Variants in SLC26A11 observed in about 807,000 individuals in gnomAD.
The protein encoded by SLC26A11 is solute carrier family 26 member 11, also known as sodium-independent sulfate anion transporter.
In SLC26A11, 58 loss-of-function variants were observed where a neutral mutation model predicts 62.2. The observed-to-expected ratio is 0.93, with a 90% CI of 0.76 to 1.16. The LOEUF (loss-of-function observed/expected upper bound fraction) is 1.16, where lower values mean the gene tolerates loss of function less well. Ranked by LOEUF, SLC26A11 falls within the 50% of genes most tolerant of loss-of-function variation. The pLI is 0.00. For missense variants in SLC26A11, 790 were observed against 794.3 expected, an observed-to-expected ratio of 0.99 and a Z score of 0.06; for synonymous variants, 411 against 368.9, an observed-to-expected ratio of 1.11 and a Z score of -1.31.
intron 10 of SLC26A11, among the ~76,000 whole-genome samples, chr17:80,244,968 C>CT (rs2042955975): frequency 9.0e-6 from 1 of 111,098 alleles, no homozygotes; most frequent in African/African-American, 3.3e-5. Flanking sequence ...AAGCCAGACT[C>CT]TGTCTCAAAA....
chr17:80,239,512 C>T (rs1270247910), intron 9 of SLC26A11, among the ~76,000 whole-genome samples: 2 of 151,998 alleles, frequency 1.3e-5, no homozygotes, highest in Non-Finnish European at 2.9e-5. Context: ...GCCTCAGCCT[C>T]CCGAGTAGCT....
At position 80,222,810 on chromosome 17, in the gene SLC26A11, C is replaced by T. The variant is rs376502934; in HGVS notation, c.390C>T (p.Ser130=). ...PAYAVLLAFL[S]GCIQLAMGVL... is the part of the protein sequence containing the mutation. ...ACGCTGTGCTGCTGGCCTTCCTGTC[C>T]GGCTGCATCCAGCTGGCCATGGGGG... Residue 130 remains serine, a synonymous_variant, in exon 4 of 18, where the codon TCC becomes TCT. Coordinates refer to ENST00000361193, the MANE Select transcript of SLC26A11 (RefSeq NM_001166347.2). This position sits in a 1 kb window ranked among gnomAD's most constrained non-coding sequence, Gnocchi z 4.7. 23 of 1,614,060 alleles carry T rather than the reference C, an allele frequency of 1.4e-5. No homozygotes were observed. Among genetic ancestry groups the T allele is most frequent in the East Asian group, 6.7e-5 (3 of 44,896 alleles).
Position 80,223,070 on chromosome 17 carries a change from A to T in SLC26A11, c.428-182A>T. Reference sequence around the variant, plus strand: ...CTTGGAGAAGTGCCTGTGGCCTCAGACCCCAGTCTCCCTTTTCTGCTCTCC... The same window carrying T: ...CTTGGAGAAGTGCCTGTGGCCTCAGTCCCCAGTCTCCCTTTTCTGCTCTCC... On this transcript the variant is annotated intron_variant, in intron 4 of 17. Transcript: ENST00000361193. This position sits in a 1 kb window ranked among gnomAD's most constrained non-coding sequence, Gnocchi z 4.6. 1 of 726,532 alleles carries T rather than the reference A, an allele frequency of 1.4e-6. No homozygotes were observed. The highest frequency in any genetic ancestry group is 2.3e-6 in the Non-Finnish European group (1 of 432,790). The allele number at this position is 726,532 out of a possible 1,614,324, so 45.0% of individuals were successfully genotyped here.
In SLC26A11 at chr17:80,249,259, G is replaced by C; in HGVS notation, c.1628G>C (p.Gly543Ala). 5 of 1,611,100 alleles carry C rather than the reference G, an allele frequency of 3.1e-6. No individual in the cohort carries two copies. The highest frequency in any genetic ancestry group is 4.2e-6 in the Non-Finnish European group (5 of 1,180,006). Residue 543 changes from glycine (G) to alanine (A), a missense_variant, in exon 16 of 18, where the codon GGC becomes GCC. Physicochemically the swap from Gly to Ala is moderately conservative, Grantham distance 60 (BLOSUM62 0). Transcript: ENST00000361193. ...CTCCTCCAGGACTTCCAGAAGCAGG[G>C]CGTCGCCCTGGCCTTTGTGGGCCTG... ...GELLQDFQKQGVALAFVGLQV... is the reference protein window; with the variant it reads ...GELLQDFQKQAVALAFVGLQV...
At chr17:80,245,637 T>A (rs2042974142) in intron 11 of SLC26A11, among the ~76,000 whole-genome samples, 1 of 152,140 alleles carries the variant, frequency 6.6e-6, no homozygotes, top group Non-Finnish European at 1.5e-5. Context: ...ACTAGAAAGT[T>A]CCCAGCACGC....
At chr17:80,230,297 G>A (rs1004884867) in intron 7 of SLC26A11, among the ~76,000 whole-genome samples, 2 of 152,020 alleles carry the variant, frequency 1.3e-5, no homozygotes, top group Admixed American at 1.3e-4. Context: ...GGCAGGTGTG[G>A]CCACAAGGGG....
intron 9 of SLC26A11, among the ~76,000 whole-genome samples, chr17:80,240,946 A>G (rs1352355371): frequency 6.6e-6 from 1 of 152,152 alleles, no homozygotes; most frequent in Non-Finnish European, 1.5e-5. Context: ...CCTCATTTCT[A>G]TTGAAAATAA....
In SLC26A11 at chr17:80,246,064, G is replaced by A. The variant is rs2042985500; in HGVS notation, c.1098-90G>A. 8 of 1,479,732 alleles carry A rather than the reference G, an allele frequency of 5.4e-6. No individual in the cohort carries two copies. The highest frequency in any genetic ancestry group is 2.3e-5 in the South Asian group (2 of 88,334). 91.7% of individuals were successfully genotyped at this position (1,479,732 alleles called of 1,614,324 possible). ...TTCCCAAGCCGTGCTGGGAGCTGACGTCCCCTCGGAAGATCAGCCACAGGA... is the reference window on the plus strand; with the variant it reads ...TTCCCAAGCCGTGCTGGGAGCTGACATCCCCTCGGAAGATCAGCCACAGGA... On this transcript the variant is annotated intron_variant, in intron 11 of 17. Transcript: ENST00000361193. This position sits in a 1 kb window ranked among gnomAD's most constrained non-coding sequence, Gnocchi z 4.4.
In SLC26A11 at chr17:80,221,875, A is replaced by G; in HGVS notation, c.234+81A>G. On this transcript the variant is annotated intron_variant, in intron 3 of 17. Coordinates refer to ENST00000361193, the MANE Select transcript of SLC26A11 (RefSeq NM_001166347.2). Reference sequence around the variant, plus strand: ...GTATCAATCCCAGACACCATCAGCGATTCCAGGTTTCCAGCCCCTGGGCCC... The same window carrying G: ...GTATCAATCCCAGACACCATCAGCGGTTCCAGGTTTCCAGCCCCTGGGCCC... 5 of 1,385,642 alleles carry G rather than the reference A, an allele frequency of 3.6e-6. No homozygotes were observed. In the South Asian group the frequency reaches 6.9e-5, roughly 19 times the overall value. The allele number at this position is 1,385,642 out of a possible 1,614,324, so 85.8% of individuals were successfully genotyped here. A position where few individuals can be genotyped will look rare whatever the true frequency, so the allele number is the denominator to read the frequency against.
chr17:80,251,485 G>A (rs1272273115), intron 17 of SLC26A11, 84 bp downstream of exon 17: 3 of 1,548,004 alleles, frequency 1.9e-6, no homozygotes, highest in African/African-American at 2.7e-5. Context: ...GAAACCAGCT[G>A]GGCACAGTGG....
rs2042996316 is a variant in SLC26A11 at position 80,246,372 on chromosome 17, A to G, written c.1154-137A>G. The G allele has an allele frequency of 1.4e-6, 2 of 1,425,894 alleles. No homozygotes were observed. Among genetic ancestry groups the G allele is most frequent in the Non-Finnish European group, 1.9e-6 (2 of 1,056,396 alleles). The allele number at this position is 1,425,894 out of a possible 1,614,324, so 88.3% of individuals were successfully genotyped here. On this transcript the variant is annotated intron_variant, in intron 12 of 17. Coordinates refer to ENST00000361193, the MANE Select transcript of SLC26A11 (RefSeq NM_001166347.2). This position sits in a 1 kb window ranked among gnomAD's most constrained non-coding sequence, Gnocchi z 4.4. ...GTAGGGGGACCACAGGAGACTGAGC[A>G]GGGGCTGGGGGCCTTGGCAGTCGTC...
intron 10 of SLC26A11, among the ~76,000 whole-genome samples, chr17:80,242,589 CG>C (rs749656344): frequency 7.4e-4 from 113 of 152,288 alleles, no homozygotes; most frequent in Non-Finnish European, 1.4e-3. Context: ...CATGAAGACT[CG>C]GGGGCCCCAA....
rs577405821 is a variant in SLC26A11, at chr17:80,223,420, T to C, written c.513+83T>C. ...ATGGCGGGAGCAGGACTGAGGCCAG[T>C]CCTGATCCCTGTGGCCAGTGGACGT... is the stretch of plus-strand genomic sequence containing the variant. On this transcript the variant is annotated intron_variant, in intron 5 of 17. Coordinates refer to ENST00000361193, the MANE Select transcript of SLC26A11 (RefSeq NM_001166347.2). This position sits in a 1 kb window ranked among gnomAD's most constrained non-coding sequence, Gnocchi z 4.6. 9.2e-6 allele frequency: 12 copies of C among 1,305,374 alleles called. No homozygotes were observed. The South Asian group carries it at 1.4e-4, about 16-fold the overall frequency. The allele number at this position is 1,305,374 out of a possible 1,614,324, so 80.9% of individuals were successfully genotyped here. A position where few individuals can be genotyped will look rare whatever the true frequency, so the allele number is the denominator to read the frequency against.
chr17:80,224,418 TGA>T (rs2042338455), intron 5 of SLC26A11, among the ~76,000 whole-genome samples: 2 of 136,224 alleles, frequency 1.5e-5, no homozygotes, highest in Non-Finnish European at 3.1e-5. Flanking sequence ...TGAGTGTGAG[TGA>T]GTGAGAGTGG....
rs2042484730 is a variant in SLC26A11 at position 80,228,781 on chromosome 17, C to G, written c.736+821C>G. On this transcript the variant is annotated intron_variant, in intron 7 of 17. Transcript: ENST00000361193. The surrounding 1 kb of genome is among the most constrained non-coding windows in gnomAD (Gnocchi z 4.1). ...CAAATTCCGGGGAGACCAACAGGCTCTGTTTGAATTGTGCAGCTTTATGGG... is the reference window on the plus strand; with the variant it reads ...CAAATTCCGGGGAGACCAACAGGCTGTGTTTGAATTGTGCAGCTTTATGGG... 6.6e-6 allele frequency among the ~76,000 whole-genome samples: 1 copy of G among 152,224 alleles called. No homozygotes were observed. The highest frequency in any genetic ancestry group is 2.4e-5 in the African/African-American group (1 of 41,464).
rs751411232 is a variant in SLC26A11 at position 80,249,175 on chromosome 17, T to C, written c.1544T>C (p.Val515Ala). 1 of 1,609,204 alleles carries C rather than the reference T, an allele frequency of 6.2e-7. No homozygotes were observed. The highest frequency in any genetic ancestry group is 1.1e-5 in the South Asian group (1 of 90,924). Residue 515 changes from valine to alanine, a missense_variant, in exon 16 of 18, where the codon GTC becomes GCC. Transcript: ENST00000361193. ...ALEVSPPRCL[V>A]LECTHVCSID... is the part of the protein sequence containing the mutation. ...CCAGTGTCCCCGCCACGCTGCCTGG[T>C]CCTGGAGTGCACCCATGTCTGCAGC...
rs913456608 is a variant in SLC26A11 at position 80,230,149 on chromosome 17, T to G, written c.736+2189T>G. On this transcript the variant is annotated intron_variant, in intron 7 of 17. Coordinates refer to ENST00000361193, the MANE Select transcript of SLC26A11 (RefSeq NM_001166347.2). ...GGCGGAGGTTATAGTGAGCCAAGAC[T>G]GCACCACTGCACTCCAGCCTGGCAA... 5.0e-4 allele frequency among the ~76,000 whole-genome samples: 73 copies of G among 147,308 alleles called. 1 individual carries two copies. The highest frequency in any genetic ancestry group is 1.5e-4 in the Non-Finnish European group (10 of 67,520).
rs561908800 is a variant in SLC26A11 at position 80,241,939 on chromosome 17, G to C, written c.1036+118G>C. On this transcript the variant is annotated intron_variant, in intron 10 of 17. Coordinates refer to ENST00000361193, the MANE Select transcript of SLC26A11 (RefSeq NM_001166347.2). ...ATGATGGTGGTGATGAACTGGGAGG[G>C]CAAAGGTGGCCCCAGATGGGATCTT... 5.8e-5 allele frequency: 67 copies of C among 1,154,196 alleles called. No individual in the cohort carries two copies. The Admixed American group carries it at 1.2e-3, about 20-fold the overall frequency. The allele number at this position is 1,154,196 out of a possible 1,614,324, so 71.5% of individuals were successfully genotyped here. A position where few individuals can be genotyped will look rare whatever the true frequency, so the allele number is the denominator to read the frequency against.
chr17:80,243,967 C>T (rs1023960360), intron 10 of SLC26A11, among the ~76,000 whole-genome samples: 1 of 152,236 alleles, frequency 6.6e-6, no homozygotes, highest in African/African-American at 2.4e-5. Context: ...GGATGATCCC[C>T]TGCAGCCTGT....
Sources: allele counts gnomAD v4.1 joint callset (sites outside exome capture counted in the v4.1 genomes callset), GRCh38; gene constraint gnomAD v4.1.1; non-coding constraint Gnocchi (gnomAD v3.1); transcripts MANE v1.5; gene names NCBI Gene and HGNC (gene_info 2026-07-23, HGNC 2026-07-21).